NRCAM: variants seen among roughly 807,000 people sequenced by gnomAD.
The protein encoded by NRCAM is NgCAM-related cell adhesion molecule.
A neutral mutation model predicts 156.5 loss-of-function variants in NRCAM; 83 were observed. The ratio of observed to expected loss-of-function variants is 0.53; its 90% CI spans 0.44 to 0.64. NRCAM has a LOEUF of 0.64. NRCAM is among the 30% of genes least tolerant of loss of function. The probability of loss-of-function intolerance (pLI) is 0.00; values close to 1 mark genes in which losing one functional copy is unlikely to be tolerated. For missense variants in NRCAM, 1,417 were observed against 1,597.3 expected (o/e 0.89, Z 1.92); for synonymous variants, 538 against 563.9 (o/e 0.95, Z 0.65).
Position 108,149,011 on chromosome 7 carries a change from C to A in NRCAM, c.*899G>T, listed in dbSNP as rs1584873458. 1 of 152,504 alleles carries A rather than the reference C, an allele frequency of 6.6e-6. No individual in the cohort carries two copies. Among genetic ancestry groups the A allele is most frequent in the Admixed American group, 6.6e-5 (1 of 15,262 alleles). The allele number at this position is 152,504 out of a possible 1,614,324, so 9.4% of individuals were successfully genotyped here. On this transcript the variant is annotated 3_prime_UTR_variant, in exon 33 of 33. Transcript: ENST00000379028. ...TTAGACAATGACAGTAATCTAGGAC[C>A]CAGAATGGACTGGACCAGCTGATAC...
chr7:108,194,105 T>G lies in NRCAM; in HGVS notation c.1697A>C (p.Glu566Ala), dbSNP rs746893298. 6.2e-7 allele frequency: 1 copy of G among 1,614,158 alleles called. No homozygotes were observed. The highest frequency in any genetic ancestry group is 1.7e-5 in the Admixed American group (1 of 60,020). The change falls in exon 17 of 33, where the codon GAA becomes GCA. Residue 566 changes from glutamate to alanine, a missense_variant. By Grantham distance (107) the Glu-to-Ala change is moderately radical. Around this residue, in one of 2 missense-constraint regions of NRCAM, gnomAD observed 1,238 missense variants for 1,336.4 expected, o/e 0.93. Coordinates refer to ENST00000379028, the MANE Select transcript of NRCAM (RefSeq NM_001037132.4). ...VVQRGSMVSFECKVKHDHTLS... is the reference protein window; with the variant it reads ...VVQRGSMVSFACKVKHDHTLS... Reference sequence around the variant, plus strand: ...GGTGTGATCATGTTTCACTTTGCATTCAAAGGACACCATGCTCCCTCTTTG... The same window carrying G: ...GGTGTGATCATGTTTCACTTTGCATGCAAAGGACACCATGCTCCCTCTTTG...
At chr7:108,163,620 G>C (rs935894290) in intron 30 of NRCAM, among the ~76,000 whole-genome samples, 3 of 152,172 alleles carry the variant, frequency 2.0e-5, no homozygotes, top group Admixed American at 6.5e-5. Flanking sequence ...GTGATGATAA[G>C]AAAGACTGGG....
intron 2 of NRCAM, among the ~76,000 whole-genome samples, chr7:108,365,385 A>T (rs1393023178): frequency 6.6e-6 from 1 of 152,128 alleles, no homozygotes; most frequent in Non-Finnish European, 1.5e-5. Flanking sequence ...AATTATCTTC[A>T]AAAGTTTTAT....
At chr7:108,177,682 CGT>C (rs1219975146) in intron 26 of NRCAM, among the ~76,000 whole-genome samples, 22 of 15,594 alleles carry the variant, frequency 1.4e-3, no homozygotes, top group African/African-American at 2.3e-3. Context: ...TATATATATA[CGT>C]GTATATATAT....
intron 1 of NRCAM, among the ~76,000 whole-genome samples, chr7:108,428,848 A>G (rs1351238089): frequency 6.6e-6 from 1 of 152,108 alleles, no homozygotes; most frequent in Non-Finnish European, 1.5e-5. Flanking sequence ...GGAGACATTA[A>G]TTGATTGGAG....
intron 3 of NRCAM, among the ~76,000 whole-genome samples, chr7:108,245,503 T>C (rs1451320880): frequency 6.6e-6 from 1 of 152,118 alleles, no homozygotes; most frequent in Non-Finnish European, 1.5e-5. Context: ...TAAGACTATG[T>C]AGACAAGATG....
intron 3 of NRCAM, among the ~76,000 whole-genome samples, chr7:108,247,443 A>G (rs571495229): frequency 6.6e-6 from 1 of 152,198 alleles, no homozygotes; most frequent in South Asian, 2.1e-4. Context: ...TGGTTTTTCT[A>G]GATACTTCTC....
At chr7:108,241,159 A>T (rs560639754) in intron 3 of NRCAM, among the ~76,000 whole-genome samples, 6 of 152,282 alleles carry the variant, frequency 3.9e-5, no homozygotes, top group Admixed American at 3.3e-4. Flanking sequence ...AACATCACAT[A>T]CATAGGTAGA....
chr7:108,202,583 T>C (rs1017633938), intron 13 of NRCAM, among the ~76,000 whole-genome samples: 9 of 152,314 alleles, frequency 5.9e-5, no homozygotes, highest in African/African-American at 2.2e-4. Context: ...AAGAGTTAAA[T>C]TTCCCTCTTC....
chr7:108,210,309 C>T lies in NRCAM; in HGVS notation c.891-704G>A, dbSNP rs184283626. Reference sequence around the variant, plus strand: ...TCACCCAGGCTGGAGTGCAGTGGCACGATCTGAGCTCACTGCAAGCTCCGC... The same window carrying T: ...TCACCCAGGCTGGAGTGCAGTGGCATGATCTGAGCTCACTGCAAGCTCCGC... On this transcript the variant is annotated intron_variant, in intron 11 of 32. Transcript: ENST00000379028. Among the ~76,000 whole-genome samples, 1,449 of 151,430 alleles carry T rather than the reference C, an allele frequency of 9.6e-3. 11 individuals carry two copies. The highest frequency in any genetic ancestry group is 0.021 in the Middle Eastern group (6 of 292).
At chr7:108,307,880 G>A (rs1003685598) in intron 3 of NRCAM, among the ~76,000 whole-genome samples, 3 of 152,106 alleles carry the variant, frequency 2.0e-5, no homozygotes, top group Non-Finnish European at 4.4e-5. Context: ...CCAGATGCTG[G>A]AAGGAAGAGA....
chr7:108,308,453 C>G (rs1399997928), intron 3 of NRCAM, among the ~76,000 whole-genome samples: 1 of 152,192 alleles, frequency 6.6e-6, no homozygotes. Context: ...ATGCTAAGTG[C>G]TCTACATTTC....
intron 13 of NRCAM, among the ~76,000 whole-genome samples, chr7:108,202,905 A>T (rs905470481): frequency 9.2e-5 from 14 of 152,136 alleles, no homozygotes; most frequent in African/African-American, 2.9e-4. Context: ...AGTCTGACAG[A>T]CCTAATACAA....
At chr7:108,347,165 G>T (rs1209972010) in intron 2 of NRCAM, among the ~76,000 whole-genome samples, 2 of 147,852 alleles carry the variant, frequency 1.4e-5, no homozygotes, top group Non-Finnish European at 3.0e-5. Context: ...AGCCTCCCAA[G>T]TAGCTGGGAC....
At chr7:108,318,184 T>C (rs2098954424) in intron 2 of NRCAM, among the ~76,000 whole-genome samples, 1 of 151,066 alleles carries the variant, frequency 6.6e-6, no homozygotes, top group Admixed American at 6.6e-5. Context: ...TAGCTGGGAC[T>C]ATAGGCACCG....
chr7:108,181,880 T>G lies in NRCAM; in HGVS notation c.2588A>C (p.Glu863Ala). 1 of 1,614,168 alleles carries G rather than the reference T, an allele frequency of 6.2e-7. No individual in the cohort carries two copies. Among genetic ancestry groups the G allele is most frequent in the Non-Finnish European group, 8.5e-7 (1 of 1,180,016 alleles). Residue 863 changes from glutamate to alanine, a missense_variant, in exon 24 of 33, where the codon GAG (glutamate) becomes GCG (alanine). Coordinates refer to ENST00000379028, the MANE Select transcript of NRCAM (RefSeq NM_001037132.4). ...RVNVVNSTLA[E>A]VHWDPVPLKS... is the part of the protein sequence containing the mutation. ...CAGAGGTACTGGGTCCCAGTGCACCTCGGCTAAGGTACTGTTCACCACATT... is the reference window on the plus strand; with the variant it reads ...CAGAGGTACTGGGTCCCAGTGCACCGCGGCTAAGGTACTGTTCACCACATT...
At chr7:108,203,031 G>C (rs908209588) in intron 13 of NRCAM, among the ~76,000 whole-genome samples, 9 of 152,170 alleles carry the variant, frequency 5.9e-5, no homozygotes, top group Admixed American at 1.3e-4. Context: ...CTCCAGTGGG[G>C]AAGACCAAGA....
chr7:108,197,459 C>T (rs1284594826), intron 14 of NRCAM, among the ~76,000 whole-genome samples: 5 of 152,180 alleles, frequency 3.3e-5, no homozygotes, highest in African/African-American at 1.2e-4. Flanking sequence ...ACAATGTTCA[C>T]ATAAGCCAAT....
At chr7:108,164,576 G>C (rs1226758743) in intron 30 of NRCAM, among the ~76,000 whole-genome samples, 2 of 134,260 alleles carry the variant, frequency 1.5e-5, no homozygotes, top group Non-Finnish European at 3.3e-5. Flanking sequence ...AGGAGAGGAG[G>C]AGCAGGAGCA....
Sources: gnomAD v4.1 joint callset for allele counts (sites outside exome capture counted in the v4.1 genomes callset) on GRCh38, gnomAD v4.1.1 for gene constraint, gnomAD v4.1.1 regional missense constraint, MANE v1.5 for transcripts, NCBI Gene and HGNC (gene_info 2026-07-23, HGNC 2026-07-21) for gene names.